SLC10A7: variants seen among roughly 807,000 people sequenced by gnomAD.
SLC10A7 encodes the protein sodium/bile acid cotransporter 7.
Under a neutral mutation model 43.2 loss-of-function variants are expected in SLC10A7, and 29 were observed. The ratio of observed to expected loss-of-function variants is 0.67; its 90% CI spans 0.50 to 0.92. The LOEUF is 0.92. Among genes scored for constraint, SLC10A7 ranks in the 40% least tolerant of loss-of-function variants. The pLI is 0.00. For missense variants in SLC10A7, 295 were observed against 403.2 expected (o/e 0.73, Z 2.30); for synonymous variants, 152 against 144.8 (o/e 1.05, Z -0.35).
chr4:146,395,543 C>A (rs149530628), intron 5 of SLC10A7, among the ~76,000 whole-genome samples: 17 of 152,316 alleles, frequency 1.1e-4, no homozygotes, highest in African/African-American at 4.1e-4. Context: ...CAGCACTTTT[C>A]ATATTGGTGC....
Position 146,430,394 on chromosome 4 carries a change from C to T in SLC10A7, c.435+12389G>A, listed in dbSNP as rs1287041640. Among the ~76,000 whole-genome samples, 4 of 152,154 alleles carry T rather than the reference C, an allele frequency of 2.6e-5. No homozygotes were observed. In the East Asian group the frequency reaches 7.7e-4, roughly 29 times the overall value. ...AATGAAGAAGATAGGATTCATTGCC[C>T]TGGCTCTTGGAAATTACCAAAAGCA... On this transcript the variant is annotated intron_variant, in intron 5 of 11. Coordinates refer to ENST00000335472, the MANE Select transcript of SLC10A7 (RefSeq NM_001029998.6).
chr4:146,347,334 C>T lies in SLC10A7; in HGVS notation c.436-21338G>A, dbSNP rs115882696. ...CAGTTATATCTACCAGCCTTCTCAT[C>T]TTCCAGGAAATCAAAGACACAGAAA... On this transcript the variant is annotated intron_variant, in intron 5 of 11. Coordinates refer to ENST00000335472, the MANE Select transcript of SLC10A7 (RefSeq NM_001029998.6). 4.7e-3 allele frequency among the ~76,000 whole-genome samples: 709 copies of T among 152,292 alleles called. 3 individuals carry two copies. The highest frequency in any genetic ancestry group is 0.014 in the Middle Eastern group (4 of 294).
At chr4:146,511,969 CT>C (rs765683134) in intron 2 of SLC10A7, among the ~76,000 whole-genome samples, 306 of 98,830 alleles carry the variant, frequency 3.1e-3, no homozygotes, top group African/African-American at 3.8e-3. Context: ...TGCATATACT[CT>C]TTTTTTTTTT....
intron 5 of SLC10A7, among the ~76,000 whole-genome samples, chr4:146,389,240 A>T (rs1335793239): frequency 2.0e-5 from 3 of 152,072 alleles, no homozygotes; most frequent in African/African-American, 4.8e-5. Context: ...CAACAGGTAC[A>T]CTAAAACCCA....
intron 5 of SLC10A7, among the ~76,000 whole-genome samples, chr4:146,394,359 GC>G (rs1207508174): frequency 1.3e-5 from 2 of 152,106 alleles, no homozygotes; most frequent in Non-Finnish European, 1.5e-5. Context: ...GGTATGATGA[GC>G]TTGCCATGAA....
At chr4:146,276,345 T>C (rs1177428063) in intron 10 of SLC10A7, among the ~76,000 whole-genome samples, 1 of 152,118 alleles carries the variant, frequency 6.6e-6, no homozygotes, top group Non-Finnish European at 1.5e-5. Flanking sequence ...TTAGAGCAAT[T>C]GGCTGTTCCT....
intron 10 of SLC10A7, among the ~76,000 whole-genome samples, chr4:146,274,055 G>C (rs1467583450): frequency 6.6e-6 from 1 of 151,956 alleles, no homozygotes; most frequent in Non-Finnish European, 1.5e-5. Context: ...ACTTTCAAAT[G>C]GCATTCTGAA....
At chr4:146,456,977 T>C (rs971575796) in intron 4 of SLC10A7, among the ~76,000 whole-genome samples, 8 of 151,912 alleles carry the variant, frequency 5.3e-5, no homozygotes, top group African/African-American at 1.7e-4. Flanking sequence ...AAAGACTAGA[T>C]ATATTTTTAA....
At chr4:146,281,484 G>A (rs1729554598) in intron 10 of SLC10A7, among the ~76,000 whole-genome samples, 1 of 151,752 alleles carries the variant, frequency 6.6e-6, no homozygotes, top group Non-Finnish European at 1.5e-5. Context: ...AGAAATGTGG[G>A]AATGTATTTG....
chr4:146,434,913 A>G (rs1286589741), intron 5 of SLC10A7, among the ~76,000 whole-genome samples: 5 of 152,174 alleles, frequency 3.3e-5, no homozygotes, highest in Admixed American at 3.3e-4. Flanking sequence ...TGTTGCAGTT[A>G]CCTGGAGGCG....
At chr4:146,385,759 C>T (rs191808744) in intron 5 of SLC10A7, among the ~76,000 whole-genome samples, 136 of 152,274 alleles carry the variant, frequency 8.9e-4, no homozygotes, top group African/African-American at 3.1e-3. Context: ...TCCTCCCTCC[C>T]GACTCTAGTA....
intron 5 of SLC10A7, among the ~76,000 whole-genome samples, chr4:146,412,021 T>A (rs1431843868): frequency 6.6e-6 from 1 of 152,206 alleles, no homozygotes; most frequent in Non-Finnish European, 1.5e-5. Flanking sequence ...TGCAGACCAG[T>A]GGCATTTTCA....
chr4:146,427,172 A>T (rs1055033940), intron 5 of SLC10A7, among the ~76,000 whole-genome samples: 4 of 152,056 alleles, frequency 2.6e-5, no homozygotes, highest in Non-Finnish European at 5.9e-5. Flanking sequence ...TCTATAAAAA[A>T]TTAAAACAAA....
intron 10 of SLC10A7, among the ~76,000 whole-genome samples, chr4:146,259,042 G>T (rs1414515037): frequency 6.6e-6 from 1 of 152,172 alleles, no homozygotes; most frequent in Non-Finnish European, 1.5e-5. Flanking sequence ...CTAGGATAAG[G>T]TGGAAAGATG....
chr4:146,484,500 T>A (rs962334808), intron 4 of SLC10A7, among the ~76,000 whole-genome samples: 4 of 152,172 alleles, frequency 2.6e-5, no homozygotes, highest in East Asian at 1.9e-4. Flanking sequence ...TAAATTTTTT[T>A]AAAAAGTCAA....
At chr4:146,508,068 A>AAAAG (rs1737090681) in intron 3 of SLC10A7, among the ~76,000 whole-genome samples, 1 of 152,198 alleles carries the variant, frequency 6.6e-6, no homozygotes, top group African/African-American at 2.4e-5. Flanking sequence ...TCAAATGCAA[A>AAAAG]TTCCTCAGCC....
intron 4 of SLC10A7, among the ~76,000 whole-genome samples, chr4:146,477,522 G>T (rs1027675603): frequency 1.3e-5 from 2 of 152,106 alleles, no homozygotes; most frequent in Admixed American, 1.3e-4. Flanking sequence ...ACCTAAAATA[G>T]CAAATGCATT....
At chr4:146,295,908 A>G (rs1161468044) in intron 7 of SLC10A7, among the ~76,000 whole-genome samples, 1 of 152,296 alleles carries the variant, frequency 6.6e-6, no homozygotes, top group East Asian at 1.9e-4. Flanking sequence ...TATGATCCCA[A>G]TTCCAAAAAT....
intron 4 of SLC10A7, among the ~76,000 whole-genome samples, chr4:146,462,786 A>T (rs1732656130): frequency 6.6e-6 from 1 of 152,172 alleles, no homozygotes; most frequent in South Asian, 2.1e-4. Context: ...CAGCTGAACA[A>T]CGGTGTGTAA....
Sources: allele counts gnomAD v4.1 joint callset (sites outside exome capture counted in the v4.1 genomes callset), GRCh38; gene constraint gnomAD v4.1.1; transcripts MANE v1.5; gene names NCBI Gene and HGNC (gene_info 2026-07-23, HGNC 2026-07-21).